Variants in RORB observed in about 807,000 individuals in gnomAD.
RORB encodes the protein nuclear receptor ROR-beta.
RORB carries 6 observed loss-of-function variants against 59.1 expected under a neutral mutation model. That is an observed-to-expected ratio of 0.10 (90% confidence interval 0.06 to 0.20). The LOEUF is 0.20. Ranked by LOEUF, RORB falls within the 10% of genes least tolerant of loss-of-function variation. RORB has a pLI of 1.00. For missense variants in RORB, 320 were observed against 560.5 expected (o/e 0.57, Z 4.33); for synonymous variants, 215 against 204.5 (o/e 1.05, Z -0.44).
intron 1 of RORB, among the ~76,000 whole-genome samples, chr9:74,503,454 A>G (rs1292102244): frequency 6.6e-6 from 1 of 152,070 alleles, no homozygotes; most frequent in Non-Finnish European, 1.5e-5. Context: ...CACAATCCAG[A>G]CTTCCAAACT....
chr9:74,528,259 T>C (rs1826187017), intron 1 of RORB, among the ~76,000 whole-genome samples: 1 of 151,974 alleles, frequency 6.6e-6, no homozygotes, highest in Admixed American at 6.6e-5. Flanking sequence ...TGAAACACTT[T>C]TAAAGTGCAG....
At position 74,499,331 on chromosome 9, in the gene RORB, C is replaced by T. The variant is rs1036873970; in HGVS notation, c.7+1348C>T. ...CTCTCCCACCCAGTCCCCCTACGCC[C>T]CTAGAGGAGCACCCCAGGAGGCAGC... On this transcript the variant is annotated intron_variant, in intron 1 of 9. Transcript: ENST00000376896. Among the ~76,000 whole-genome samples, 26 of 152,250 alleles carry T rather than the reference C, an allele frequency of 1.7e-4. No homozygotes were observed. The East Asian group carries it at 4.7e-3, about 27-fold the overall frequency.
intron 1 of RORB, among the ~76,000 whole-genome samples, chr9:74,514,494 A>G (rs1012253267): frequency 2.0e-5 from 3 of 152,028 alleles, no homozygotes; most frequent in Admixed American, 1.3e-4. Flanking sequence ...CTGACCGCCA[A>G]CACTTGACCG....
intron 1 of RORB, among the ~76,000 whole-genome samples, chr9:74,541,600 G>A (rs1419093952): frequency 2.0e-5 from 3 of 152,174 alleles, no homozygotes; most frequent in East Asian, 1.9e-4. Context: ...ATATGATGTC[G>A]TTCTGGGAAC....
chr9:74,586,313 C>T (rs924619899), intron 1 of RORB, among the ~76,000 whole-genome samples: 5 of 151,980 alleles, frequency 3.3e-5, no homozygotes, highest in South Asian at 4.1e-4. Context: ...GCCTTGGCAA[C>T]ATGGCAAAAC....
intron 1 of RORB, among the ~76,000 whole-genome samples, chr9:74,510,807 A>G (rs557094568): frequency 6.6e-6 from 1 of 152,214 alleles, no homozygotes; most frequent in Non-Finnish European, 1.5e-5. Flanking sequence ...AGTGGTTAAT[A>G]AACATTTGAA....
At chr9:74,547,642 T>G (rs925493266) in intron 1 of RORB, among the ~76,000 whole-genome samples, 1 of 152,094 alleles carries the variant, frequency 6.6e-6, no homozygotes, top group African/African-American at 2.4e-5. Flanking sequence ...GCAAGAGGAA[T>G]AGCCTGTGCA....
rs182742628 is a variant in RORB at position 74,523,259 on chromosome 9, G to A, written c.7+25276G>A. Among the ~76,000 whole-genome samples the A allele has an allele frequency of 1.0e-4, 15 of 150,588 alleles. No homozygotes were observed. In the South Asian group the frequency reaches 1.3e-3, roughly 13 times the overall value. ...TCTTTTGTTATCCTTTCATCTTTTC[G>A]TCTTGTTTCCCTCTTTTTCATTGAT... On this transcript the variant is annotated intron_variant, in intron 1 of 9. Coordinates refer to ENST00000376896, the MANE Select transcript of RORB (RefSeq NM_006914.4).
At chr9:74,524,752 T>C (rs1204887207) in intron 1 of RORB, among the ~76,000 whole-genome samples, 2 of 151,886 alleles carry the variant, frequency 1.3e-5, no homozygotes, top group Non-Finnish European at 2.9e-5. Context: ...AATATTTGTC[T>C]TTTTTTATGT....
intron 6 of RORB, among the ~76,000 whole-genome samples, 199 bp from the exon 7 acceptor site, chr9:74,665,289 T>C (rs1036801823): frequency 2.6e-5 from 4 of 152,084 alleles, no homozygotes; most frequent in African/African-American, 9.7e-5. Context: ...GCAATTATTT[T>C]TGCACCAACC....
intron 1 of RORB, among the ~76,000 whole-genome samples, chr9:74,559,692 A>C (rs1043698167): frequency 6.6e-6 from 1 of 152,218 alleles, no homozygotes; most frequent in Admixed American, 6.5e-5. Flanking sequence ...GGATAATAAT[A>C]GTAATATTCT....
In RORB at chr9:74,605,389, G is replaced by C. The variant is rs572323326; in HGVS notation, c.8-24893G>C. Among the ~76,000 whole-genome samples the C allele has an allele frequency of 2.0e-5, 3 of 152,288 alleles. No individual in the cohort carries two copies. The South Asian group carries it at 6.2e-4, about 32-fold the overall frequency. On this transcript the variant is annotated intron_variant, in intron 1 of 9. Transcript: ENST00000376896. ...GTCAGTAACCTCCTATGGACCAGCA[G>C]TATCCCAACAGGGGCCTTTTGGGGA...
rs867803136 is a variant in RORB at position 74,673,799 on chromosome 9, G to C, written c.1224+1898G>C. Among the ~76,000 whole-genome samples the C allele has an allele frequency of 6.6e-5, 10 of 152,262 alleles. 1 individual carries two copies. In the Middle Eastern group the frequency reaches 0.01, roughly 155 times the overall value. On this transcript the variant is annotated intron_variant, in intron 9 of 9. Transcript: ENST00000376896. ...AAGCATTAGAAGAGGATTACTTCTT[G>C]GATAAAATTGGCTAGAACCAGGTGA...
chr9:74,530,860 C>G (rs1488876035), intron 1 of RORB, among the ~76,000 whole-genome samples: 1 of 151,866 alleles, frequency 6.6e-6, no homozygotes, highest in African/African-American at 2.4e-5. Context: ...TCTCCTAATG[C>G]TATCCTTCCC....
At chr9:74,661,066 T>C (rs1824172479) in intron 5 of RORB, among the ~76,000 whole-genome samples, 1 of 152,214 alleles carries the variant, frequency 6.6e-6, no homozygotes, top group Non-Finnish European at 1.5e-5. Context: ...TGCTGACTTC[T>C]TGGGTGGAGG....
chr9:74,547,761 A>G (rs1247794964), intron 1 of RORB, among the ~76,000 whole-genome samples: 1 of 152,252 alleles, frequency 6.6e-6, no homozygotes, highest in African/African-American at 2.4e-5. Context: ...CCTATGACCC[A>G]TGATTACATA....
intron 2 of RORB, among the ~76,000 whole-genome samples, chr9:74,634,147 C>T (rs573038478): frequency 6.7e-6 from 1 of 149,206 alleles, no homozygotes; most frequent in East Asian, 2.0e-4. Context: ...TGGGGAAAAA[C>T]ACATCTTAGA....
chr9:74,665,626 T>G, intron 7 of RORB, 31 bp downstream of exon 7: 1 of 1,338,976 alleles, frequency 7.5e-7, no homozygotes. Flanking sequence ...GACACAATTT[T>G]ATTAGCCACC....
intron 1 of RORB, among the ~76,000 whole-genome samples, chr9:74,584,698 T>G (rs919667977): frequency 4.6e-5 from 7 of 152,186 alleles, no homozygotes; most frequent in Non-Finnish European, 8.8e-5. Context: ...GACTTTAGTT[T>G]ATTCTATTTG....
Sources: allele counts gnomAD v4.1 joint callset (sites outside exome capture counted in the v4.1 genomes callset), GRCh38; gene constraint gnomAD v4.1.1; transcripts MANE v1.5; gene names NCBI Gene and HGNC (gene_info 2026-07-23, HGNC 2026-07-21).